The following NFAT5 variants were observed in gnomAD, a reference collection of about 807,000 sequenced individuals.
NFAT5 encodes the protein nuclear factor of activated T-cells 5.
A neutral mutation model predicts 166.5 loss-of-function variants in NFAT5; 31 were observed. That is an observed-to-expected ratio of 0.19 (90% CI 0.14 to 0.25). The LOEUF is 0.25. Ranked by LOEUF, NFAT5 falls within the 10% of genes least tolerant of loss-of-function variation. The probability of loss-of-function intolerance (pLI) is 1.00; values close to 1 mark genes in which losing one functional copy is unlikely to be tolerated. For missense variants in NFAT5, 1,449 were observed against 1,821.8 expected, an observed-to-expected ratio of 0.80 and a Z score of 3.72; for synonymous variants, 612 against 639.7, an observed-to-expected ratio of 0.96 and a Z score of 0.65.
intron 4 of NFAT5, chr16:69,648,914 A>G: frequency 1.0e-6 from 1 of 963,114 alleles, no homozygotes; most frequent in Non-Finnish European, 1.2e-6. Flanking sequence ...ACATTTTAAA[A>G]AGTAATATCT....
chr16:69,583,731 C>T (rs768633476), intron 2 of NFAT5, among the ~76,000 whole-genome samples: 1 of 151,994 alleles, frequency 6.6e-6, no homozygotes, highest in Non-Finnish European at 1.5e-5. Flanking sequence ...ACACCTGGCA[C>T]AAATGCTTTG....
intron 3 of NFAT5, among the ~76,000 whole-genome samples, chr16:69,642,348 A>G (rs778870903): frequency 6.6e-6 from 1 of 152,180 alleles, no homozygotes; most frequent in East Asian, 1.9e-4. Context: ...TGGCAAACAG[A>G]CTTAAATACA....
chr16:69,622,861 C>T lies in NFAT5; in HGVS notation c.128-3542C>T, dbSNP rs558865169. 4.0e-5 allele frequency among the ~76,000 whole-genome samples: 6 copies of T among 150,480 alleles called. No homozygotes were observed. In the South Asian group the frequency reaches 8.4e-4, roughly 21 times the overall value. On this transcript the variant is annotated intron_variant, in intron 2 of 14. Transcript: ENST00000349945. Reference sequence around the variant, plus strand: ...AAAAAAAAAAAGAAAAAAATAGACTCGAGGCTGGGTGTGGTGGCTCACGCC... The same window carrying T: ...AAAAAAAAAAAGAAAAAAATAGACTTGAGGCTGGGTGTGGTGGCTCACGCC...
At chr16:69,625,484 T>C (rs1159902247) in intron 2 of NFAT5, among the ~76,000 whole-genome samples, 1 of 151,954 alleles carries the variant, frequency 6.6e-6, no homozygotes, top group Non-Finnish European at 1.5e-5. Context: ...TTTCCAGGGT[T>C]GGAGATGCCT....
intron 11 of NFAT5, among the ~76,000 whole-genome samples, chr16:69,687,721 T>TCA (rs939471717): frequency 5.3e-5 from 8 of 152,152 alleles, no homozygotes; most frequent in African/African-American, 1.9e-4. Context: ...TGTTAAGCAG[T>TCA]AAGTGTATAG....
chr16:69,579,300 A>G (rs1161069563), intron 2 of NFAT5, among the ~76,000 whole-genome samples: 1 of 152,142 alleles, frequency 6.6e-6, no homozygotes, highest in Non-Finnish European at 1.5e-5. Context: ...GAAAATAAAC[A>G]CAGATGTAAT....
intron 5 of NFAT5, among the ~76,000 whole-genome samples, chr16:69,654,356 A>T (rs1272667903): frequency 2.0e-5 from 3 of 151,840 alleles, no homozygotes; most frequent in African/African-American, 7.3e-5. Context: ...TATGATTGAA[A>T]CTCTGGATCA....
At chr16:69,644,102 T>A (rs966910194) in intron 3 of NFAT5, among the ~76,000 whole-genome samples, 5 of 152,000 alleles carry the variant, frequency 3.3e-5, no homozygotes, top group African/African-American at 1.2e-4. Context: ...CTGGGCAGCA[T>A]GACAAAACTT....
At chr16:69,594,417 G>A (rs1021975606) in intron 2 of NFAT5, among the ~76,000 whole-genome samples, 1 of 152,164 alleles carries the variant, frequency 6.6e-6, no homozygotes, top group Non-Finnish European at 1.5e-5. Context: ...TATGGGACCA[G>A]TGTTGTATAT....
rs147076950 is a variant in NFAT5 at position 69,619,687 on chromosome 16, G to A, written c.128-6716G>A. On this transcript the variant is annotated intron_variant, in intron 2 of 14. Transcript: ENST00000349945. The stretch of plus-strand genomic sequence containing the variant: ...AGCATGAAAAGCATGTCTTTTCCCA[G>A]CTGTTTCCTGTGGCTTATCTCCCTG... Among the ~76,000 whole-genome samples the A allele has an allele frequency of 2.2e-3, 339 of 152,232 alleles. 2 individuals are homozygous for A. Among genetic ancestry groups the A allele is most frequent in the South Asian group, 5.6e-3 (27 of 4,822 alleles).
At position 69,693,310 on chromosome 16, in the gene NFAT5, A is replaced by G. The variant is rs550669855; in HGVS notation, c.3485A>G (p.Gln1162Arg). 1 of 1,614,210 alleles carries G rather than the reference A, an allele frequency of 6.2e-7. No individual in the cohort carries two copies. The highest frequency in any genetic ancestry group is 1.3e-5 in the African/African-American group (1 of 75,046). The change falls in exon 13 of 15, where the codon CAG becomes CGG. Residue 1162 changes from glutamine to arginine, a missense_variant. Around this residue, in one of 7 missense-constraint regions of NFAT5, gnomAD observed 891 missense variants for 993.0 expected, o/e 0.90. Coordinates refer to ENST00000349945, the MANE Select transcript of NFAT5 (RefSeq NM_138713.4). ...DQQSTNIFLSQSPMNNLQTNT... is the reference protein window; with the variant it reads ...DQQSTNIFLSRSPMNNLQTNT... Reference sequence around the variant, plus strand: ...CAGTCAACCAACATATTTCTTTCCCAGAGTCCCATGAATAATCTTCAGACT... The same window carrying G: ...CAGTCAACCAACATATTTCTTTCCCGGAGTCCCATGAATAATCTTCAGACT...
chr16:69,661,386 A>G (rs906356834), intron 7 of NFAT5, among the ~76,000 whole-genome samples: 44 of 150,620 alleles, frequency 2.9e-4, no homozygotes, highest in Non-Finnish European at 1.6e-4. Context: ...AAATTAAAAA[A>G]AAAAAAAAAA....
At chr16:69,670,327 C>G in intron 9 of NFAT5, 39 bp downstream of exon 9, 1 of 1,278,052 alleles carries the variant, frequency 7.8e-7, no homozygotes, top group Non-Finnish European at 1.1e-6. Flanking sequence ...GTTATTTACT[C>G]TCTGAGCAAT....
chr16:69,691,837 C>G lies in NFAT5; in HGVS notation c.2012C>G (p.Ser671Cys), dbSNP rs2037556040. Residue 671 changes from serine (S) to cysteine (C), a missense_variant, in exon 13 of 15, where the codon TCC becomes TGC. Physicochemically the swap from Ser to Cys is moderately radical, Grantham distance 112. Transcript: ENST00000349945. Reference sequence around the variant, plus strand: ...GGCTCTTTTTCATCACCATCATCTTCCCACCTACCTTCTGAAAATGAAAAA... The same window carrying G: ...GGCTCTTTTTCATCACCATCATCTTGCCACCTACCTTCTGAAAATGAAAAA... Reference protein sequence around the residue: ...GNGSFSSPSSSHLPSENEKQQ... With the variant: ...GNGSFSSPSSCHLPSENEKQQ... The G allele has an allele frequency of 1.9e-6, 3 of 1,614,152 alleles. No individual in the cohort carries two copies. The highest frequency in any genetic ancestry group is 2.5e-6 in the Non-Finnish European group (3 of 1,180,012).
chr16:69,666,968 T>G (rs1482757208), intron 7 of NFAT5, among the ~76,000 whole-genome samples: 3 of 151,312 alleles, frequency 2.0e-5, no homozygotes, highest in Admixed American at 6.6e-5. Context: ...GTGGCACATA[T>G]ACACCATGGA....
rs557589349 is a variant in NFAT5, at chr16:69,669,967, A to G, written c.1370-10A>G. 5 of 1,567,430 alleles carry G rather than the reference A, an allele frequency of 3.2e-6. No individual in the cohort carries two copies. Among genetic ancestry groups the G allele is most frequent in the Non-Finnish European group, 4.3e-6 (5 of 1,165,292 alleles). ...GGTTCTTCTTATAGAATGCTTATGTATCTCCACAGCTCAGCCAGCAGGAGT... is the reference window on the plus strand; with the variant it reads ...GGTTCTTCTTATAGAATGCTTATGTGTCTCCACAGCTCAGCCAGCAGGAGT... On this transcript the variant is annotated splice_polypyrimidine_tract_variant and intron_variant, in intron 7 of 14. Transcript: ENST00000349945.
chr16:69,633,772 C>T (rs1263197078), intron 3 of NFAT5, among the ~76,000 whole-genome samples: 1 of 152,038 alleles, frequency 6.6e-6, no homozygotes, highest in Non-Finnish European at 1.5e-5. Flanking sequence ...TTCTATACCA[C>T]TGTAGGATGA....
chr16:69,659,676 A>G (rs575920893), intron 6 of NFAT5, 51 bp from the exon 7 acceptor site: 1 of 1,418,912 alleles, frequency 7.0e-7, no homozygotes, highest in East Asian at 2.4e-5. Flanking sequence ...TAAGAACATT[A>G]TACTATTTAT....
At position 69,617,232 on chromosome 16, in the gene NFAT5, G is replaced by A. The variant is rs961144527; in HGVS notation, c.128-9171G>A. Among the ~76,000 whole-genome samples, 13 of 151,996 alleles carry A rather than the reference G, an allele frequency of 8.6e-5. No individual in the cohort carries two copies. In the Middle Eastern group the frequency reaches 0.014, roughly 159 times the overall value. On this transcript the variant is annotated intron_variant, in intron 2 of 14. Transcript: ENST00000349945. ...GCTGGGATTACAGGCGTGAGCCACC[G>A]TGCCCAGCCTCAAAGTTCTTAAAGC...
Sources: allele counts gnomAD v4.1 joint callset (sites outside exome capture counted in the v4.1 genomes callset), GRCh38; gene constraint gnomAD v4.1.1; regional missense constraint gnomAD v4.1.1; transcripts MANE v1.5; gene names NCBI Gene and HGNC (gene_info 2026-07-23, HGNC 2026-07-21).